Variants in PTPRT observed in about 807,000 individuals in gnomAD.
PTPRT encodes protein tyrosine phosphatase receptor type T, also known as receptor-type tyrosine-protein phosphatase T.
Under a neutral mutation model 176.8 loss-of-function variants are expected in PTPRT, and 56 were observed. That is an observed-to-expected ratio of 0.32 (90% CI 0.26 to 0.40). PTPRT has a LOEUF of 0.40. Among genes scored for constraint, PTPRT ranks in the 10% least tolerant of loss-of-function variants. The pLI is 1.00. For synonymous variants in PTPRT, 783 were observed against 739.0 expected, an observed-to-expected ratio of 1.06 and a Z score of -0.96; for missense variants, 1,540 against 1,908.2, an observed-to-expected ratio of 0.81 and a Z score of 3.60.
chr20:42,312,382 C>T (rs894349711), intron 12 of PTPRT, among the ~76,000 whole-genome samples: 7 of 152,092 alleles, frequency 4.6e-5, no homozygotes, highest in Non-Finnish European at 4.4e-5. Flanking sequence ...TGTCTGCTGC[C>T]CTTTATGATA....
At chr20:42,481,441 C>T (rs2071383421) in intron 7 of PTPRT, among the ~76,000 whole-genome samples, 1 of 152,070 alleles carries the variant, frequency 6.6e-6, no homozygotes, top group Non-Finnish European at 1.5e-5. Flanking sequence ...AGTTTAAATA[C>T]CTTTCATTTC....
At chr20:43,066,831 G>A (rs2011116662) in intron 1 of PTPRT, among the ~76,000 whole-genome samples, 1 of 152,200 alleles carries the variant, frequency 6.6e-6, no homozygotes, top group South Asian at 2.1e-4. Context: ...TTTCGTAAAT[G>A]AGGTTTTGTT....
chr20:42,223,681 G>A (rs2055938618), intron 15 of PTPRT, among the ~76,000 whole-genome samples: 1 of 152,066 alleles, frequency 6.6e-6, no homozygotes, highest in Non-Finnish European at 1.5e-5. Flanking sequence ...GCTATATAAA[G>A]CAAAGATAAG....
intron 1 of PTPRT, among the ~76,000 whole-genome samples, chr20:42,939,209 A>G (rs1037325376): frequency 1.6e-4 from 25 of 152,226 alleles, no homozygotes; most frequent in Admixed American, 1.3e-3. Flanking sequence ...CATTTCGTCA[A>G]TTTCAATGGG....
At chr20:42,964,337 A>G (rs1292287920) in intron 1 of PTPRT, among the ~76,000 whole-genome samples, 3 of 152,134 alleles carry the variant, frequency 2.0e-5, no homozygotes, top group Non-Finnish European at 1.5e-5. Flanking sequence ...TGTCAATAGA[A>G]AAAAAATGCA....
intron 6 of PTPRT, among the ~76,000 whole-genome samples, chr20:42,737,417 C>T (rs534457759): frequency 3.2e-4 from 49 of 152,128 alleles, no homozygotes; most frequent in Admixed American, 5.2e-4. Context: ...GATCACCTGA[C>T]GTCAGGAGTC....
chr20:42,485,505 T>C (rs1201065814), intron 7 of PTPRT, among the ~76,000 whole-genome samples: 1 of 152,238 alleles, frequency 6.6e-6, no homozygotes, highest in South Asian at 2.1e-4. Context: ...AGAAGCCATG[T>C]GTAAATCAAA....
chr20:43,136,628 T>C (rs2013841531), intron 1 of PTPRT, among the ~76,000 whole-genome samples: 1 of 152,152 alleles, frequency 6.6e-6, no homozygotes, highest in Non-Finnish European at 1.5e-5. Context: ...ACAGTACATG[T>C]GCAACACACA....
chr20:42,999,615 T>TGTTGTTGTTGTTGTTGTTG (rs35015314), intron 1 of PTPRT, among the ~76,000 whole-genome samples: 1 of 150,444 alleles, frequency 6.6e-6, no homozygotes, highest in African/African-American at 2.5e-5. Flanking sequence ...TGGTTTTTTT[T>TGTTGTTGTTGTTGTTGTTG]TTGTTGTTGT....
intron 6 of PTPRT, among the ~76,000 whole-genome samples, chr20:42,711,426 A>T (rs893313888): frequency 6.6e-6 from 1 of 152,068 alleles, no homozygotes; most frequent in Non-Finnish European, 1.5e-5. Flanking sequence ...ATCCATTCAC[A>T]TGAGATCTGG....
At chr20:43,088,814 G>T (rs551202979) in intron 1 of PTPRT, among the ~76,000 whole-genome samples, 1 of 151,988 alleles carries the variant, frequency 6.6e-6, no homozygotes, top group Non-Finnish European at 1.5e-5. Flanking sequence ...TTTAAGTCTC[G>T]AACTGTCATC....
intron 21 of PTPRT, among the ~76,000 whole-genome samples, chr20:42,117,856 T>A (rs1987370946): frequency 6.6e-6 from 1 of 152,116 alleles, no homozygotes; most frequent in South Asian, 2.1e-4. Flanking sequence ...GTTTGTATGC[T>A]AAGGGGAACA....
intron 6 of PTPRT, among the ~76,000 whole-genome samples, chr20:42,732,454 A>G (rs1431547735): frequency 6.6e-6 from 1 of 152,248 alleles, no homozygotes; most frequent in Non-Finnish European, 1.5e-5. Flanking sequence ...TATTTTAAAT[A>G]GAGATATGTT....
chr20:42,139,159 T>C (rs754889168), intron 18 of PTPRT, among the ~76,000 whole-genome samples: 2 of 152,186 alleles, frequency 1.3e-5, no homozygotes, highest in African/African-American at 4.8e-5. Flanking sequence ...CTTTATGTCT[T>C]GCGCTGCTTT....
At chr20:42,299,852 T>C (rs1394450978) in intron 12 of PTPRT, among the ~76,000 whole-genome samples, 1 of 151,614 alleles carries the variant, frequency 6.6e-6, no homozygotes, top group East Asian at 2.0e-4. Flanking sequence ...TTTCACCATG[T>C]TGGCCAAAAT....
chr20:42,894,265 A>G (rs2079253056), intron 1 of PTPRT, among the ~76,000 whole-genome samples: 3 of 152,164 alleles, frequency 2.0e-5, no homozygotes, highest in Admixed American at 2.0e-4. Context: ...GCTAAGGAGT[A>G]AACTGTGAGC....
chr20:42,493,718 A>C (rs1456639346), intron 7 of PTPRT, among the ~76,000 whole-genome samples: 5 of 151,470 alleles, frequency 3.3e-5, no homozygotes, highest in African/African-American at 1.2e-4. Flanking sequence ...TGCCTTCTTA[A>C]CCACATCCAT....
At chr20:42,476,695 T>C (rs1022968986) in intron 7 of PTPRT, among the ~76,000 whole-genome samples, 1 of 152,172 alleles carries the variant, frequency 6.6e-6, no homozygotes, top group Non-Finnish European at 1.5e-5. Context: ...GGTGAAAGCA[T>C]TTTGTAAATC....
chr20:42,589,691 C>T (rs373726252), intron 7 of PTPRT, among the ~76,000 whole-genome samples: 27 of 152,240 alleles, frequency 1.8e-4, no homozygotes, highest in African/African-American at 6.5e-4. Flanking sequence ...AGCCTTGCAA[C>T]TCGACTTCAC....
Sources: allele counts gnomAD v4.1 joint callset (sites outside exome capture counted in the v4.1 genomes callset), GRCh38; gene constraint gnomAD v4.1.1; transcripts MANE v1.5; gene names NCBI Gene and HGNC (gene_info 2026-07-23, HGNC 2026-07-21).